ITFG1: variants seen among roughly 807,000 people sequenced by gnomAD.
The protein encoded by ITFG1 is integrin alpha FG-GAP repeat containing 1, also known as T-cell immunomodulatory protein.
Under a neutral mutation model 81.8 loss-of-function variants are expected in ITFG1, and 34 were observed. The observed-to-expected ratio is 0.42, with a 90% confidence interval of 0.32 to 0.55. ITFG1 has a LOEUF of 0.55. ITFG1 is among the 20% of genes least tolerant of loss of function. The pLI, the probability that ITFG1 is intolerant of heterozygous loss-of-function variation, is 0.17. For synonymous variants in ITFG1, 285 were observed against 270.6 expected, an observed-to-expected ratio of 1.05 and a Z score of -0.52; for missense variants, 672 against 755.4, an observed-to-expected ratio of 0.89 and a Z score of 1.29.
chr16:47,285,005 G>A (rs1037804019), intron 10 of ITFG1, among the ~76,000 whole-genome samples: 1 of 152,152 alleles, frequency 6.6e-6, no homozygotes, highest in Non-Finnish European at 1.5e-5. Flanking sequence ...AAGTATTATT[G>A]TTATTATGGT....
In ITFG1 at chr16:47,453,084, G is replaced by C. The variant is rs145593045; in HGVS notation, c.428-294C>G. Among the ~76,000 whole-genome samples the C allele has an allele frequency of 4.3e-3, 651 of 152,272 alleles. 6 individuals carry two copies. Among genetic ancestry groups the C allele is most frequent in the African/African-American group, 0.015 (616 of 41,558 alleles). ...TTTGTCTTTACACAATTTAGTGCTA[G>C]AGAGGTTGACAATTAACAAGGTTTT... On this transcript the variant is annotated intron_variant, in intron 3 of 17. Coordinates refer to ENST00000320640, the MANE Select transcript of ITFG1 (RefSeq NM_030790.5).
chr16:47,260,361 G>A (rs990910005), intron 11 of ITFG1, among the ~76,000 whole-genome samples, 184 bp downstream of exon 11: 2 of 152,182 alleles, frequency 1.3e-5, no homozygotes, highest in African/African-American at 4.8e-5. Flanking sequence ...TGACTGTACT[G>A]ATCAGCCAAT....
At chr16:47,351,823 T>A (rs1967961215) in intron 8 of ITFG1, among the ~76,000 whole-genome samples, 2 of 152,158 alleles carry the variant, frequency 1.3e-5, no homozygotes, top group African/African-American at 4.8e-5. Flanking sequence ...ACTACAAGGC[T>A]ACAGTAACCA....
intron 10 of ITFG1, among the ~76,000 whole-genome samples, chr16:47,286,849 C>G (rs1189585357): frequency 7.2e-5 from 11 of 152,140 alleles, no homozygotes; most frequent in Non-Finnish European, 1.6e-4. Context: ...ATTACTATCC[C>G]TATTGTATTC....
chr16:47,213,263 T>C (rs529091480), intron 14 of ITFG1, among the ~76,000 whole-genome samples: 3 of 152,356 alleles, frequency 2.0e-5, no homozygotes, highest in Admixed American at 1.3e-4. Flanking sequence ...GGTTGGAGAA[T>C]ACTCTCTATG....
At chr16:47,269,803 T>C (rs1003735875) in intron 10 of ITFG1, among the ~76,000 whole-genome samples, 2 of 151,986 alleles carry the variant, frequency 1.3e-5, no homozygotes, top group Non-Finnish European at 1.5e-5. Flanking sequence ...CTAAAATTTA[T>C]AGGAAATACA....
chr16:47,191,045 T>G (rs531331944), intron 14 of ITFG1, among the ~76,000 whole-genome samples: 1 of 152,310 alleles, frequency 6.6e-6, no homozygotes, highest in East Asian at 1.9e-4. Flanking sequence ...TGTTCGCTGA[T>G]GTCTCCTTGG....
chr16:47,270,916 T>C lies in ITFG1; in HGVS notation c.1071-10221A>G, dbSNP rs1021968721. Among the ~76,000 whole-genome samples the C allele has an allele frequency of 2.0e-5, 3 of 152,194 alleles. No individual in the cohort carries two copies. In the East Asian group the frequency reaches 5.8e-4, roughly 29 times the overall value. Reference sequence around the variant, plus strand: ...TCCTGTGGGATGGGGAAAGTGCTGATTACACAGGGTTAAGAGGAAACTTTT... The same window carrying C: ...TCCTGTGGGATGGGGAAAGTGCTGACTACACAGGGTTAAGAGGAAACTTTT... On this transcript the variant is annotated intron_variant, in intron 10 of 17. Transcript: ENST00000320640.
At chr16:47,451,572 C>G in intron 4 of ITFG1, 102 bp from the exon 5 acceptor site, 1 of 635,096 alleles carries the variant, frequency 1.6e-6, no homozygotes, top group Non-Finnish European at 2.8e-6. Context: ...GTAGACATTA[C>G]AATGCTCGCC....
intron 14 of ITFG1, among the ~76,000 whole-genome samples, chr16:47,192,061 G>C (rs1042319816): frequency 6.6e-6 from 1 of 152,208 alleles, no homozygotes; most frequent in Non-Finnish European, 1.5e-5. Flanking sequence ...TTACAGGTGT[G>C]AGCCACCACA....
At chr16:47,420,039 C>A (rs142694592) in intron 6 of ITFG1, among the ~76,000 whole-genome samples, 1 of 151,456 alleles carries the variant, frequency 6.6e-6, no homozygotes, top group Non-Finnish European at 1.5e-5. Flanking sequence ...GCAGCTCAAT[C>A]CCAAAGTGCT....
chr16:47,362,753 A>G (rs1240710445), intron 8 of ITFG1, among the ~76,000 whole-genome samples: 3 of 152,210 alleles, frequency 2.0e-5, no homozygotes, highest in Non-Finnish European at 4.4e-5. Flanking sequence ...TTTCCATGGC[A>G]TTAATTTCAT....
chr16:47,189,399 C>T (rs575092813), intron 14 of ITFG1, among the ~76,000 whole-genome samples: 8 of 152,226 alleles, frequency 5.3e-5, no homozygotes, highest in African/African-American at 1.9e-4. Context: ...GTAACCACTA[C>T]TGTCCTTTCT....
At chr16:47,252,025 G>A (rs1372485644) in intron 12 of ITFG1, among the ~76,000 whole-genome samples, 4 of 152,156 alleles carry the variant, frequency 2.6e-5, no homozygotes, top group Non-Finnish European at 5.9e-5. Context: ...AGTGTTAACA[G>A]TAAGAGCAAG....
intron 14 of ITFG1, among the ~76,000 whole-genome samples, chr16:47,201,207 A>ATT (rs765492131): frequency 1.2e-4 from 17 of 139,802 alleles, no homozygotes; most frequent in East Asian, 6.1e-4. Context: ...ATTTAGGAGA[A>ATT]TTTTTTTTTT....
chr16:47,240,962 A>G (rs1433527226), intron 12 of ITFG1, among the ~76,000 whole-genome samples: 1 of 152,192 alleles, frequency 6.6e-6, no homozygotes, highest in Non-Finnish European at 1.5e-5. Context: ...GTGTTTCACA[A>G]CAATGCAAAT....
chr16:47,296,624 T>C (rs1966986255), intron 10 of ITFG1, among the ~76,000 whole-genome samples: 2 of 152,018 alleles, frequency 1.3e-5, no homozygotes, highest in Admixed American at 6.5e-5. Flanking sequence ...TTAGTAGAGA[T>C]GGGGTTTCGC....
chr16:47,407,955 A>C (rs766995905), intron 6 of ITFG1, among the ~76,000 whole-genome samples: 5 of 152,170 alleles, frequency 3.3e-5, no homozygotes, highest in Admixed American at 6.5e-5. Context: ...AAGAAAAATA[A>C]GACTCCTGTA....
intron 12 of ITFG1, among the ~76,000 whole-genome samples, chr16:47,247,583 T>C (rs1966016907): frequency 6.6e-6 from 1 of 152,212 alleles, no homozygotes; most frequent in Non-Finnish European, 1.5e-5. Context: ...CTTGCTGTGT[T>C]AGCTAATGAA....
Sources: allele counts gnomAD v4.1 joint callset (sites outside exome capture counted in the v4.1 genomes callset), GRCh38; gene constraint gnomAD v4.1.1; transcripts MANE v1.5; gene names NCBI Gene and HGNC (gene_info 2026-07-23, HGNC 2026-07-21).